The following MAP4K3 variants were observed in gnomAD, a reference collection of about 807,000 sequenced individuals.
MAP4K3 encodes MAPK/ERK kinase kinase kinase 3.
In MAP4K3, 94 loss-of-function variants were observed where a neutral mutation model predicts 143.5. That is an observed-to-expected ratio of 0.65 (90% confidence interval 0.55 to 0.78). The LOEUF (loss-of-function observed/expected upper bound fraction) is 0.78, where lower values mean the gene tolerates loss of function less well. Ranked by LOEUF, MAP4K3 falls within the 30% of genes least tolerant of loss-of-function variation. The probability of loss-of-function intolerance (pLI) is 0.00; values close to 1 mark genes in which losing one functional copy is unlikely to be tolerated. For missense variants in MAP4K3, 1,077 were observed against 1,068.1 expected (o/e 1.01, Z -0.12); for synonymous variants, 416 against 347.2 (o/e 1.20, Z -2.20).
At chr2:39,423,920 T>C (rs1218379329) in intron 1 of MAP4K3, among the ~76,000 whole-genome samples, 1 of 152,208 alleles carries the variant, frequency 6.6e-6, no homozygotes, top group Non-Finnish European at 1.5e-5. Context: ...TTAATTAACA[T>C]AATAATAATG....
At chr2:39,419,871 T>G (rs1390045712) in intron 1 of MAP4K3, among the ~76,000 whole-genome samples, 1 of 152,072 alleles carries the variant, frequency 6.6e-6, no homozygotes, top group Non-Finnish European at 1.5e-5. Flanking sequence ...AGATTTGGAG[T>G]TTGTGGTTTT....
At chr2:39,295,814 G>A (rs1000385300) in intron 16 of MAP4K3, among the ~76,000 whole-genome samples, 1 of 149,690 alleles carries the variant, frequency 6.7e-6, no homozygotes, top group African/African-American at 2.5e-5. Flanking sequence ...CACTTCCCAG[G>A]TTCAAGCAAT....
intron 3 of MAP4K3, among the ~76,000 whole-genome samples, chr2:39,354,716 G>A (rs1665557912): frequency 6.6e-6 from 1 of 151,894 alleles, no homozygotes; most frequent in Admixed American, 6.6e-5. Flanking sequence ...CCTTAACCAA[G>A]GTGGGGCAAT....
intron 26 of MAP4K3, among the ~76,000 whole-genome samples, chr2:39,269,241 C>G (rs991051209): frequency 6.6e-6 from 1 of 151,882 alleles, no homozygotes; most frequent in Non-Finnish European, 1.5e-5. Context: ...CAATTGGCAA[C>G]TGAATGATAA....
chr2:39,281,482 A>G (rs754321396), intron 22 of MAP4K3, among the ~76,000 whole-genome samples: 1 of 152,150 alleles, frequency 6.6e-6, no homozygotes, highest in Non-Finnish European at 1.5e-5. Context: ...CATTTAACTA[A>G]CCCTAATAAC....
intron 1 of MAP4K3, among the ~76,000 whole-genome samples, chr2:39,391,768 G>A (rs955842342): frequency 3.9e-5 from 6 of 152,086 alleles, no homozygotes; most frequent in African/African-American, 1.4e-4. Context: ...CATTTTCGTG[G>A]TGTAAACACT....
chr2:39,270,671 C>T (rs897812545), intron 26 of MAP4K3, among the ~76,000 whole-genome samples: 1 of 151,970 alleles, frequency 6.6e-6, no homozygotes. Flanking sequence ...AATTCCAAAG[C>T]TTATGCTTTA....
intron 1 of MAP4K3, among the ~76,000 whole-genome samples, chr2:39,410,700 C>A (rs1667211414): frequency 6.6e-6 from 1 of 152,116 alleles, no homozygotes; most frequent in Admixed American, 6.5e-5. Flanking sequence ...TAGTACTTTT[C>A]ATAATATGAA....
chr2:39,290,684 G>C (rs1041125194), intron 18 of MAP4K3, among the ~76,000 whole-genome samples: 1 of 152,158 alleles, frequency 6.6e-6, no homozygotes, highest in Admixed American at 6.5e-5. Flanking sequence ...ACGAAAGGGA[G>C]AGATTTGTTA....
intron 2 of MAP4K3, among the ~76,000 whole-genome samples, chr2:39,369,232 G>A (rs1222682163): frequency 3.2e-5 from 1 of 31,704 alleles, no homozygotes; most frequent in Non-Finnish European, 6.7e-5. Context: ...GTTTTGCTCT[G>A]TCACCCAGGC....
At chr2:39,418,894 T>G (rs1378177874) in intron 1 of MAP4K3, among the ~76,000 whole-genome samples, 1 of 152,196 alleles carries the variant, frequency 6.6e-6, no homozygotes. Flanking sequence ...GATGGAATCC[T>G]GAGACAGAAA....
At chr2:39,369,214 G>GTTTTTTTTTTTTTC (rs780438687) in intron 2 of MAP4K3, among the ~76,000 whole-genome samples, 5 of 20,596 alleles carry the variant, frequency 2.4e-4, no homozygotes, top group Admixed American at 1.2e-3. Flanking sequence ...TGTTTTTTTT[G>GTTTTTTTTTTTTTC]AGATGCAGTT....
chr2:39,363,393 C>T (rs546002246), intron 2 of MAP4K3, among the ~76,000 whole-genome samples: 16 of 149,300 alleles, frequency 1.1e-4, no homozygotes, highest in East Asian at 3.9e-4. Flanking sequence ...AAGGGCTCGG[C>T]GCAGTGGCTC....
chr2:39,255,803 G>A (rs1254676415), intron 31 of MAP4K3, among the ~76,000 whole-genome samples: 4 of 152,198 alleles, frequency 2.6e-5, no homozygotes, highest in African/African-American at 9.7e-5. Flanking sequence ...TGGGATTACA[G>A]GCATGAGCCG....
At position 39,334,038 on chromosome 2, in the gene MAP4K3, A is replaced by G. The variant is rs867627635; in HGVS notation, c.415-464T>C. Among the ~76,000 whole-genome samples, 8 of 150,826 alleles carry G rather than the reference A, an allele frequency of 5.3e-5. No homozygotes were observed. The South Asian group carries it at 1.5e-3, about 28-fold the overall frequency. On this transcript the variant is annotated intron_variant, in intron 6 of 33. Coordinates refer to ENST00000263881, the MANE Select transcript of MAP4K3 (RefSeq NM_003618.4). ...CTCCCTTTCTAGGAACTCACCATCA[A>G]TTGAACCAGGGTTGGTATGTGAGAC...
chr2:39,420,866 T>G (rs1667527453), intron 1 of MAP4K3, among the ~76,000 whole-genome samples: 1 of 152,228 alleles, frequency 6.6e-6, no homozygotes, highest in Non-Finnish European at 1.5e-5. Context: ...GATATTTCCC[T>G]ACGGGTTCCT....
intron 4 of MAP4K3, among the ~76,000 whole-genome samples, chr2:39,342,206 T>G (rs975937110): frequency 6.6e-6 from 1 of 151,898 alleles, no homozygotes; most frequent in African/African-American, 2.4e-5. Context: ...CGGTGCAATC[T>G]TGGCTCACTG....
chr2:39,417,639 G>T (rs938777588), intron 1 of MAP4K3, among the ~76,000 whole-genome samples: 5 of 152,198 alleles, frequency 3.3e-5, no homozygotes, highest in Non-Finnish European at 7.3e-5. Flanking sequence ...AACAGATACA[G>T]ACAGAGAGAT....
chr2:39,258,032 A>C (rs578009300), intron 31 of MAP4K3, among the ~76,000 whole-genome samples: 115 of 152,062 alleles, frequency 7.6e-4, no homozygotes, highest in Non-Finnish European at 3.7e-4. Context: ...CCCAGGTTCA[A>C]GTGATTCTCA....
Sources: allele counts gnomAD v4.1 joint callset (sites outside exome capture counted in the v4.1 genomes callset), GRCh38; gene constraint gnomAD v4.1.1; transcripts MANE v1.5; gene names NCBI Gene and HGNC (gene_info 2026-07-23, HGNC 2026-07-21).